The following DGKH variants were observed in gnomAD, a reference collection of about 807,000 sequenced individuals.
DGKH encodes DAG kinase eta.
In DGKH, 90 loss-of-function variants were observed where a neutral mutation model predicts 159.3. The observed-to-expected ratio is 0.57, with a 90% confidence interval of 0.48 to 0.67. The LOEUF is 0.67. DGKH is among the 30% of genes least tolerant of loss of function. The pLI, the probability that DGKH is intolerant of heterozygous loss-of-function variation, is 0.00. For missense variants in DGKH, 1,181 were observed against 1,506.1 expected (o/e 0.78, Z 3.57); for synonymous variants, 536 against 553.8 (o/e 0.97, Z 0.45).
At chr13:42,066,183 A>G (rs1566083350) in intron 1 of DGKH, 1 of 152,338 alleles carries the variant, frequency 6.6e-6, no homozygotes, top group Non-Finnish European at 1.5e-5. Flanking sequence ...GGTGTGAGCC[A>G]CCGCGCCCAG....
At chr13:42,127,311 A>C (rs1458706738) in intron 1 of DGKH, 152 bp from the exon 2 acceptor site, 2 of 633,450 alleles carry the variant, frequency 3.2e-6, no homozygotes, top group Non-Finnish European at 5.5e-6. Flanking sequence ...GCACATATGC[A>C]AAGCTGTGGT....
At chr13:42,204,709 A>C (rs1365192138) in intron 20 of DGKH, among the ~76,000 whole-genome samples, 1 of 152,186 alleles carries the variant, frequency 6.6e-6, no homozygotes, top group Non-Finnish European at 1.5e-5. Flanking sequence ...GACCAGCTGT[A>C]ACAATTTCCA....
intron 3 of DGKH, among the ~76,000 whole-genome samples, chr13:42,144,201 G>A (rs900851478): frequency 6.6e-6 from 1 of 152,090 alleles, no homozygotes; most frequent in Non-Finnish European, 1.5e-5. Flanking sequence ...AGAATCTTTG[G>A]TGTTAACTAC....
At chr13:42,040,760 C>G (rs1183055420) in intron 1 of DGKH, among the ~76,000 whole-genome samples, 1 of 147,860 alleles carries the variant, frequency 6.8e-6, no homozygotes, top group Non-Finnish European at 1.5e-5. Context: ...GGAGCCGGGG[C>G]GGCGGCGGCG....
rs545750147 is a variant in DGKH at position 42,154,108 on chromosome 13, G to A, written c.385-1183G>A. On this transcript the variant is annotated intron_variant, in intron 3 of 29. Coordinates refer to ENST00000337343, the MANE Select transcript of DGKH (RefSeq NM_178009.5). ...AGGCTTACTAGTTTATTCCTTTTGG[G>A]AAGGATTCTTTTTGTTTGTTTGTTT... 8.5e-4 allele frequency among the ~76,000 whole-genome samples: 130 copies of A among 152,296 alleles called. 2 individuals carry two copies. Among genetic ancestry groups the A allele is most frequent in the Non-Finnish European group, 1.7e-3 (114 of 68,018 alleles).
chr13:42,057,371 G>A (rs930613638), intron 1 of DGKH, among the ~76,000 whole-genome samples: 2 of 152,150 alleles, frequency 1.3e-5, no homozygotes, highest in Admixed American at 1.3e-4. Flanking sequence ...TTTTATGTAG[G>A]TAAGAAAAAG....
At chr13:42,070,079 C>G in intron 1 of DGKH, 1 of 961,180 alleles carries the variant, frequency 1.0e-6, no homozygotes, top group African/African-American at 1.6e-5. Context: ...ATATTATGAG[C>G]TTCATCTTCA....
intron 26 of DGKH, among the ~76,000 whole-genome samples, chr13:42,217,229 A>T (rs1190934723): frequency 6.6e-6 from 1 of 152,216 alleles, no homozygotes; most frequent in Non-Finnish European, 1.5e-5. Flanking sequence ...ACGAAAATTA[A>T]TAAATTTTAA....
intron 20 of DGKH, among the ~76,000 whole-genome samples, chr13:42,204,457 G>C (rs981382139): frequency 6.6e-6 from 1 of 152,152 alleles, no homozygotes; most frequent in Non-Finnish European, 1.5e-5. Context: ...TTCCCGTGAA[G>C]GTAAATCAAC....
upstream of DGKH, among the ~76,000 whole-genome samples, chr13:42,045,783 G>T (rs73187207): frequency 0.18 from 26,814 of 152,106 alleles, 2,443 homozygotes; most frequent in Non-Finnish European, 0.21. Context: ...CGTATTTATG[G>T]CGTAATATTT....
intron 9 of DGKH, among the ~76,000 whole-genome samples, chr13:42,168,095 T>G (rs548672404): frequency 6.6e-5 from 10 of 152,306 alleles, no homozygotes; most frequent in Admixed American, 6.5e-4. Context: ...TTTGTAATTC[T>G]TAAGGAAAGA....
intron 21 of DGKH, among the ~76,000 whole-genome samples, chr13:42,207,297 C>A (rs538613136): frequency 5.0e-4 from 76 of 151,130 alleles, no homozygotes; most frequent in Non-Finnish European, 9.0e-4. Context: ...TCAAGCAGTT[C>A]CCCTGCCTCA....
intron 7 of DGKH, among the ~76,000 whole-genome samples, chr13:42,164,484 TGATA>T (rs1482692796): frequency 1.3e-5 from 2 of 152,206 alleles, no homozygotes; most frequent in African/African-American, 4.8e-5. Flanking sequence ...CCAAAGGTTT[TGATA>T]AATACAGGTT....
intron 8 of DGKH, 103 bp from the exon 9 acceptor site, chr13:42,166,412 A>G (rs1483724514): frequency 5.9e-5 from 63 of 1,068,840 alleles, no homozygotes; most frequent in Non-Finnish European, 7.9e-5. Flanking sequence ...TTATAACTTA[A>G]TGCTCCAGTT....
chr13:42,045,296 G>C, upstream of DGKH, among the ~76,000 whole-genome samples: 1 of 152,156 alleles, frequency 6.6e-6, no homozygotes, highest in Non-Finnish European at 1.5e-5. Flanking sequence ...CTGGGCAAAA[G>C]AGCAAGACTT....
At chr13:42,137,383 A>G (rs1382781612) in intron 3 of DGKH, among the ~76,000 whole-genome samples, 1 of 152,180 alleles carries the variant, frequency 6.6e-6, no homozygotes, top group Non-Finnish European at 1.5e-5. Flanking sequence ...AACTCATTCA[A>G]TTCTTTATAT....
At chr13:42,046,141 A>G (rs911270483), upstream of DGKH, among the ~76,000 whole-genome samples, 1 of 152,264 alleles carries the variant, frequency 6.6e-6, no homozygotes, top group Non-Finnish European at 1.5e-5. Flanking sequence ...AGTAACAATA[A>G]AAATGTAAGA....
chr13:42,245,323 G>A (rs914910589), downstream of DGKH, among the ~76,000 whole-genome samples: 2 of 152,082 alleles, frequency 1.3e-5, no homozygotes, highest in South Asian at 2.1e-4. Context: ...TTTTCATGAC[G>A]CTATCCCAAT....
chr13:42,194,850 A>T, intron 16 of DGKH, 35 bp from the exon 17 acceptor site: 1 of 1,597,384 alleles, frequency 6.3e-7, no homozygotes, highest in Non-Finnish European at 8.5e-7. Context: ...TAGCTTTATC[A>T]TTATCTCTTT....
Sources: allele counts gnomAD v4.1 joint callset (sites outside exome capture counted in the v4.1 genomes callset), GRCh38; gene constraint gnomAD v4.1.1; transcripts MANE v1.5; gene names NCBI Gene and HGNC (gene_info 2026-07-23, HGNC 2026-07-21).